ST6GALNAC5: variants seen among roughly 807,000 people sequenced by gnomAD.
ST6GALNAC5 encodes the protein alpha-N-acetylgalactosaminide alpha-2,6-sialyltransferase 5.
In ST6GALNAC5, 27 loss-of-function variants were observed where a neutral mutation model predicts 33.6. That is an observed-to-expected ratio of 0.80 (90% CI 0.59 to 1.11). The LOEUF (loss-of-function observed/expected upper bound fraction) is 1.11. Ranked by LOEUF, ST6GALNAC5 falls within the 50% of genes least tolerant of loss-of-function variation. ST6GALNAC5 has a pLI of 0.00. For missense variants in ST6GALNAC5, 428 were observed against 454.0 expected (o/e 0.94, Z 0.52); for synonymous variants, 194 against 171.2 (o/e 1.13, Z -1.04).
At chr1:76,883,064 A>C (rs1238525292) in intron 2 of ST6GALNAC5, among the ~76,000 whole-genome samples, 1 of 152,186 alleles carries the variant, frequency 6.6e-6, no homozygotes, top group Non-Finnish European at 1.5e-5. Context: ...ACGTTCTCTT[A>C]TGTCAGCCAC....
intron 2 of ST6GALNAC5, among the ~76,000 whole-genome samples, chr1:76,938,172 C>A (rs1327055186): frequency 6.6e-6 from 1 of 152,002 alleles, no homozygotes; most frequent in Non-Finnish European, 1.5e-5. Context: ...TCCAGTAAGA[C>A]AGCACTAGTA....
At chr1:77,044,693 T>C (rs1651951127) in intron 3 of ST6GALNAC5, 80 bp downstream of exon 3, 6 of 1,487,430 alleles carry the variant, frequency 4.0e-6, no homozygotes, top group Non-Finnish European at 5.4e-6. Context: ...GCAAAGCTTT[T>C]GCTACAGGCT....
chr1:76,993,383 A>C (rs1379800376), intron 2 of ST6GALNAC5, among the ~76,000 whole-genome samples: 1 of 152,182 alleles, frequency 6.6e-6, no homozygotes, highest in Non-Finnish European at 1.5e-5. Context: ...TAGATGCTAA[A>C]CTAATGAACA....
chr1:77,039,816 C>T (rs1651774414), intron 2 of ST6GALNAC5, among the ~76,000 whole-genome samples: 4 of 152,198 alleles, frequency 2.6e-5, no homozygotes, highest in Non-Finnish European at 4.4e-5. Flanking sequence ...GAGAGAAGGC[C>T]TTGCTCAGCG....
At chr1:76,897,403 C>T (rs993290849) in intron 2 of ST6GALNAC5, among the ~76,000 whole-genome samples, 4 of 152,106 alleles carry the variant, frequency 2.6e-5, no homozygotes, top group Non-Finnish European at 4.4e-5. Context: ...TGGTTTTAGA[C>T]AGATAAAATG....
chr1:76,872,114 CACA>C (rs1557704764), intron 2 of ST6GALNAC5, among the ~76,000 whole-genome samples: 3 of 131,508 alleles, frequency 2.3e-5, no homozygotes, highest in African/African-American at 6.5e-5. Flanking sequence ...CACACACACA[CACA>C]CCACACACAT....
intron 2 of ST6GALNAC5, among the ~76,000 whole-genome samples, chr1:76,986,974 A>C (rs1273832084): frequency 6.6e-6 from 1 of 152,176 alleles, no homozygotes; most frequent in Non-Finnish European, 1.5e-5. Flanking sequence ...CAATGAGATC[A>C]GTTGGACACA....
chr1:76,976,026 T>C (rs768460863), intron 2 of ST6GALNAC5, among the ~76,000 whole-genome samples: 2 of 151,846 alleles, frequency 1.3e-5, no homozygotes, highest in Non-Finnish European at 2.9e-5. Context: ...AACCCGGAGG[T>C]GGAGACTGCA....
chr1:77,038,059 T>A (rs1022111320), intron 2 of ST6GALNAC5, among the ~76,000 whole-genome samples: 1 of 152,224 alleles, frequency 6.6e-6, no homozygotes, highest in South Asian at 2.1e-4. Flanking sequence ...ACCTTTCTAA[T>A]GAGTAGAAGA....
At chr1:77,046,707 A>G (rs1013302542) in intron 3 of ST6GALNAC5, among the ~76,000 whole-genome samples, 1 of 152,252 alleles carries the variant, frequency 6.6e-6, no homozygotes, top group Non-Finnish European at 1.5e-5. Context: ...AAGGAGGGGA[A>G]TTATTTAGTT....
At chr1:76,880,955 C>T in intron 2 of ST6GALNAC5, among the ~76,000 whole-genome samples, 1 of 152,170 alleles carries the variant, frequency 6.6e-6, no homozygotes, top group Non-Finnish European at 1.5e-5. Flanking sequence ...AGTACAATTT[C>T]TGCTTTGCAA....
intron 2 of ST6GALNAC5, among the ~76,000 whole-genome samples, chr1:76,874,071 T>G (rs1341131227): frequency 6.6e-6 from 1 of 152,202 alleles, no homozygotes; most frequent in Non-Finnish European, 1.5e-5. Context: ...ATAATTTCTG[T>G]GATCTTTCTC....
At chr1:76,988,878 A>G (rs1004638876) in intron 2 of ST6GALNAC5, among the ~76,000 whole-genome samples, 35 of 152,160 alleles carry the variant, frequency 2.3e-4, no homozygotes, top group African/African-American at 7.7e-4. Context: ...ACATCAACAA[A>G]ATAATATTGC....
chr1:76,961,962 G>A (rs1648256808), intron 2 of ST6GALNAC5, among the ~76,000 whole-genome samples: 1 of 152,180 alleles, frequency 6.6e-6, no homozygotes, highest in Middle Eastern at 3.2e-3. Flanking sequence ...CTGGCCCACA[G>A]AAGATGCTGA....
At chr1:76,919,278 C>T (rs983618012) in intron 2 of ST6GALNAC5, among the ~76,000 whole-genome samples, 9 of 152,072 alleles carry the variant, frequency 5.9e-5, no homozygotes, top group African/African-American at 2.2e-4. Flanking sequence ...TCTTGGGCTG[C>T]TTGGCTCCTC....
chr1:77,023,420 G>A (rs996490303), intron 2 of ST6GALNAC5, among the ~76,000 whole-genome samples: 14 of 152,164 alleles, frequency 9.2e-5, no homozygotes, highest in African/African-American at 2.7e-4. Flanking sequence ...CAGGGCCACC[G>A]GCACCAGGCA....
At chr1:76,913,583 C>T (rs1176931766) in intron 2 of ST6GALNAC5, among the ~76,000 whole-genome samples, 1 of 152,158 alleles carries the variant, frequency 6.6e-6, no homozygotes, top group Non-Finnish European at 1.5e-5. Context: ...GGTCTTTTCA[C>T]ATAGTCTCAT....
chr1:76,926,088 G>A (rs1312371809), intron 2 of ST6GALNAC5, among the ~76,000 whole-genome samples: 2 of 152,162 alleles, frequency 1.3e-5, no homozygotes, highest in Non-Finnish European at 2.9e-5. Flanking sequence ...CGCAGGATCA[G>A]AAGAAGTAGG....
intron 2 of ST6GALNAC5, among the ~76,000 whole-genome samples, chr1:76,970,391 G>A (rs138668675): frequency 0.029 from 4,401 of 151,796 alleles, 90 homozygotes; most frequent in Admixed American, 0.055. Flanking sequence ...ACCATGGCAC[G>A]AGAACTACAT....
Sources: allele counts gnomAD v4.1 joint callset (sites outside exome capture counted in the v4.1 genomes callset), GRCh38; gene constraint gnomAD v4.1.1; transcripts MANE v1.5; gene names NCBI Gene and HGNC (gene_info 2026-07-23, HGNC 2026-07-21).